The following ARHGAP10 variants were observed in gnomAD, a reference collection of about 807,000 sequenced individuals.
The protein encoded by ARHGAP10 is Rho GTPase activating protein 10.
ARHGAP10 carries 87 observed loss-of-function variants against 108.6 expected under a neutral mutation model. The ratio of observed to expected loss-of-function variants is 0.80; its 90% CI spans 0.67 to 0.96. The LOEUF (loss-of-function observed/expected upper bound fraction) is 0.96. ARHGAP10 is among the 40% of genes least tolerant of loss of function. The probability of loss-of-function intolerance (pLI) is 0.00; values close to 1 mark genes in which losing one functional copy is unlikely to be tolerated. For missense variants in ARHGAP10, 939 were observed against 954.5 expected, an observed-to-expected ratio of 0.98 and a Z score of 0.21; for synonymous variants, 347 against 341.1, an observed-to-expected ratio of 1.02 and a Z score of -0.19.
At position 147,875,143 on chromosome 4, in the gene ARHGAP10, G is replaced by A. The variant is rs1735006666; in HGVS notation, c.825G>A (p.Gln275=). The change falls in exon 8 of 23, where the codon CAG becomes CAA. Residue 275 remains glutamine, a synonymous_variant. Transcript: ENST00000336498. ...CAGCCGAAGGCTACCTGTATGTCCA[G>A]GAAAAAAGTAAGAGGCCCTCCAGCA... The part of the protein sequence containing the change: ...QFTAEGYLYV[Q]EKRPAPFGSS... The A allele has an allele frequency of 6.4e-7, 1 of 1,574,090 alleles. No homozygotes were observed. Among genetic ancestry groups the A allele is most frequent in the Admixed American group, 2.1e-5 (1 of 47,428 alleles).
chr4:147,946,616 G>T lies in ARHGAP10; in HGVS notation c.1304-1G>T, dbSNP rs1205539972. ...TTTTTTCTTGTTTGCTTGCTCACTAGATGTAAAAACATGCAATGAGGTGGA... is the reference window on the plus strand; with the variant it reads ...TTTTTTCTTGTTTGCTTGCTCACTATATGTAAAAACATGCAATGAGGTGGA... On this transcript the variant is annotated splice_acceptor_variant, in intron 14 of 22. Coordinates refer to ENST00000336498, the MANE Select transcript of ARHGAP10 (RefSeq NM_024605.4). LOFTEE classifies it high-confidence loss of function. 1 of 1,611,364 alleles carries T rather than the reference G, an allele frequency of 6.2e-7. No homozygotes were observed. The highest frequency in any genetic ancestry group is 8.5e-7 in the Non-Finnish European group (1 of 1,179,132).
chr4:147,732,809 C>T (rs1356980558), intron 1 of ARHGAP10, among the ~76,000 whole-genome samples: 2 of 152,228 alleles, frequency 1.3e-5, no homozygotes, highest in Admixed American at 6.5e-5. Flanking sequence ...TCATTGCTGC[C>T]TAAAGCTACT....
chr4:147,912,736 C>T (rs1736810115), intron 12 of ARHGAP10, among the ~76,000 whole-genome samples: 1 of 126,874 alleles, frequency 7.9e-6, no homozygotes, highest in East Asian at 2.7e-4. Flanking sequence ...GCAGCCTCTA[C>T]CTGCTGGGCT....
chr4:147,949,361 T>A (rs1738509051), intron 15 of ARHGAP10, among the ~76,000 whole-genome samples: 1 of 152,226 alleles, frequency 6.6e-6, no homozygotes, highest in African/African-American at 2.4e-5. Flanking sequence ...TAAGTCTTGT[T>A]CACTGCAGTA....
chr4:148,025,803 A>AT (rs1034528082), intron 19 of ARHGAP10, among the ~76,000 whole-genome samples: 8 of 152,080 alleles, frequency 5.3e-5, no homozygotes, highest in African/African-American at 1.2e-4. Flanking sequence ...AAAAAGTTTA[A>AT]TTTTTTTGTA....
rs939929121 is a variant in ARHGAP10 at position 147,909,820 on chromosome 4, T to C, written c.1162+43T>C. The C allele has an allele frequency of 6.4e-6, 10 of 1,564,484 alleles. No individual in the cohort carries two copies. In the Admixed American group the frequency reaches 8.4e-5, roughly 13 times the overall value. On this transcript the variant is annotated intron_variant, in intron 12 of 22. Coordinates refer to ENST00000336498, the MANE Select transcript of ARHGAP10 (RefSeq NM_024605.4). ...AAAATGATTGTATCCTCCTTTTCCA[T>C]CTATTACTTTGTGTACATTATGCAT...
intron 15 of ARHGAP10, among the ~76,000 whole-genome samples, chr4:147,950,399 C>T (rs1738552471): frequency 6.6e-6 from 1 of 152,190 alleles, no homozygotes; most frequent in African/African-American, 2.4e-5. Flanking sequence ...TGGTCAAGAG[C>T]AGGAGGTCTG....
At chr4:147,749,156 G>C (rs905762017) in intron 1 of ARHGAP10, among the ~76,000 whole-genome samples, 6 of 152,154 alleles carry the variant, frequency 3.9e-5, no homozygotes, top group African/African-American at 1.4e-4. Flanking sequence ...TAATAGAGGA[G>C]GTGAGAGAGA....
intron 7 of ARHGAP10, among the ~76,000 whole-genome samples, chr4:147,873,565 C>T (rs952160184): frequency 6.6e-6 from 1 of 151,746 alleles, no homozygotes; most frequent in Non-Finnish European, 1.5e-5. Context: ...GTGGCTCATG[C>T]TTATAATCCC....
chr4:147,914,178 T>G (rs1345052273), intron 13 of ARHGAP10, among the ~76,000 whole-genome samples: 2 of 152,080 alleles, frequency 1.3e-5, no homozygotes, highest in Non-Finnish European at 2.9e-5. Flanking sequence ...TTTATTGAGG[T>G]ATAATTTGCA....
chr4:147,754,509 A>G (rs1393831195), intron 1 of ARHGAP10, among the ~76,000 whole-genome samples: 2 of 152,208 alleles, frequency 1.3e-5, no homozygotes, highest in Admixed American at 6.5e-5. Flanking sequence ...GCCTCCAGAT[A>G]GAAAGAAAAG....
At chr4:147,896,291 G>C (rs1389327739) in intron 10 of ARHGAP10, among the ~76,000 whole-genome samples, 1 of 152,124 alleles carries the variant, frequency 6.6e-6, no homozygotes, top group Non-Finnish European at 1.5e-5. Flanking sequence ...TTGGTATTAA[G>C]TGTTTGAGGT....
At chr4:147,983,402 G>GTCTCCA (rs1224956670) in intron 18 of ARHGAP10, among the ~76,000 whole-genome samples, 2 of 150,712 alleles carry the variant, frequency 1.3e-5, no homozygotes, top group Non-Finnish European at 3.0e-5. Context: ...AGCCAGGATG[G>GTCTCCA]TCTCCATCTC....
chr4:147,792,858 C>T (rs1429225167), intron 1 of ARHGAP10, among the ~76,000 whole-genome samples: 2 of 152,084 alleles, frequency 1.3e-5, no homozygotes, highest in Admixed American at 6.6e-5. Flanking sequence ...ATTAAAAATA[C>T]AAGGTAGTTG....
At chr4:147,877,738 G>A (rs1579149928) in intron 8 of ARHGAP10, among the ~76,000 whole-genome samples, 1 of 151,522 alleles carries the variant, frequency 6.6e-6, no homozygotes, top group East Asian at 1.9e-4. Flanking sequence ...CTTAGTAAGA[G>A]TGGAAAAGGG....
Position 147,847,149 on chromosome 4 carries a change from A to C in ARHGAP10, c.313-2A>C. ...TCTTTTGTTATCACTCTTGTTCTCT[A>C]GGCATTAAGTGTAACTGAAACCCTG... On this transcript the variant is annotated splice_acceptor_variant, in intron 3 of 22. Transcript: ENST00000336498. LOFTEE classifies it high-confidence loss of function. The C allele has an allele frequency of 6.2e-7, 1 of 1,610,900 alleles. No homozygotes were observed. The highest frequency in any genetic ancestry group is 1.1e-5 in the South Asian group (1 of 90,936).
At chr4:147,837,663 A>C (rs1369459036) in intron 3 of ARHGAP10, among the ~76,000 whole-genome samples, 2 of 11,940 alleles carry the variant, frequency 1.7e-4, no homozygotes, top group Non-Finnish European at 3.5e-4. Context: ...TTTTTTTTTT[A>C]AAGCAGTAGC....
At chr4:147,826,609 G>A (rs996292709) in intron 3 of ARHGAP10, among the ~76,000 whole-genome samples, 5 of 152,080 alleles carry the variant, frequency 3.3e-5, no homozygotes, top group African/African-American at 4.8e-5. Context: ...TACCAAAGTC[G>A]AGAGAAATAT....
intron 1 of ARHGAP10, among the ~76,000 whole-genome samples, chr4:147,768,306 G>A (rs998986151): frequency 2.0e-5 from 3 of 152,160 alleles, no homozygotes; most frequent in Non-Finnish European, 2.9e-5. Flanking sequence ...GCTATCTGAG[G>A]ATGGCAGTAC....
Sources: gnomAD v4.1 joint callset for allele counts (sites outside exome capture counted in the v4.1 genomes callset) on GRCh38, gnomAD v4.1.1 for gene constraint, MANE v1.5 for transcripts, NCBI Gene and HGNC (gene_info 2026-07-23, HGNC 2026-07-21) for gene names.